DGKG: variants seen among roughly 807,000 people sequenced by gnomAD.
The protein encoded by DGKG is diacylglycerol kinase gamma, also known as DAG kinase gamma.
Under a neutral mutation model 105.3 loss-of-function variants are expected in DGKG, and 78 were observed. That is an observed-to-expected ratio of 0.74 (90% confidence interval 0.62 to 0.89). The LOEUF is 0.89. Among genes scored for constraint, DGKG ranks in the 40% least tolerant of loss-of-function variants. The probability of loss-of-function intolerance (pLI) is 0.00; values close to 1 mark genes in which losing one functional copy is unlikely to be tolerated. For synonymous variants in DGKG, 346 were observed against 367.1 expected (o/e 0.94, Z 0.66); for missense variants, 958 against 1,020.1 (o/e 0.94, Z 0.83).
intron 5 of DGKG, 91 bp from the exon 6 acceptor site, chr3:186,288,971 G>A: frequency 1.5e-6 from 2 of 1,319,502 alleles, no homozygotes; most frequent in Non-Finnish European, 2.1e-6. Context: ...CATGGTAGAG[G>A]CAAGAATTTT....
intron 21 of DGKG, among the ~76,000 whole-genome samples, chr3:186,204,599 CT>C (rs921252085): frequency 6.6e-6 from 1 of 151,682 alleles, no homozygotes; most frequent in Non-Finnish European, 1.5e-5. Flanking sequence ...CCAGCACGTC[CT>C]TTTTTTTAAA....
chr3:186,296,359 C>G (rs927736602), intron 5 of DGKG, among the ~76,000 whole-genome samples: 16 of 152,238 alleles, frequency 1.1e-4, no homozygotes, highest in Non-Finnish European at 2.4e-4. Context: ...ACCCAGGCAT[C>G]CTGGCTCCTT....
chr3:186,335,308 C>A (rs756371716), intron 1 of DGKG, among the ~76,000 whole-genome samples: 7 of 152,164 alleles, frequency 4.6e-5, no homozygotes, highest in African/African-American at 7.2e-5. Flanking sequence ...AACTACTAAC[C>A]TTGTGATCTG....
intron 17 of DGKG, 74 bp from the exon 18 acceptor site, chr3:186,253,256 T>C: frequency 1.6e-6 from 2 of 1,220,468 alleles, no homozygotes; most frequent in East Asian, 2.3e-5. Flanking sequence ...TTTTTATCCC[T>C]GATCTGATGC....
chr3:186,326,149 T>C (rs1226008636), intron 1 of DGKG, among the ~76,000 whole-genome samples: 3 of 152,174 alleles, frequency 2.0e-5, no homozygotes, highest in Non-Finnish European at 2.9e-5. Context: ...CCCAGCACTT[T>C]TGGAGGCCGA....
rs193043305 is a variant in DGKG at position 186,243,069 on chromosome 3, C to A, written c.1762-501G>T. On this transcript the variant is annotated intron_variant, in intron 19 of 24. Transcript: ENST00000265022. The stretch of plus-strand genomic sequence containing the variant: ...CTAGGTCCCGTTCACTCAGCTTCCC[C>A]CAATGATAACATTTTATATAACTAT... 2.0e-5 allele frequency among the ~76,000 whole-genome samples: 3 copies of A among 152,040 alleles called. No homozygotes were observed. The East Asian group carries it at 5.8e-4, about 29-fold the overall frequency.
At chr3:186,274,742 A>G (rs575096203) in intron 10 of DGKG, among the ~76,000 whole-genome samples, 3 of 152,216 alleles carry the variant, frequency 2.0e-5, no homozygotes, top group Non-Finnish European at 4.4e-5. Context: ...GCTGCATAGT[A>G]TTCTATGGTA....
At chr3:186,159,385 T>C (rs1716183139) in intron 24 of DGKG, 1 of 152,208 alleles carries the variant, frequency 6.6e-6, no homozygotes, top group Admixed American at 6.5e-5. Flanking sequence ...CACATATCTT[T>C]ACTATTCCTT....
In DGKG at chr3:186,265,283, A is replaced by G. The variant is rs769105374; in HGVS notation, c.1233T>C (p.Asp411=). The G allele has an allele frequency of 9.3e-6, 15 of 1,614,148 alleles. No individual in the cohort carries two copies. Among genetic ancestry groups the G allele is most frequent in the Non-Finnish European group, 1.3e-5 (15 of 1,180,046 alleles). The change falls in exon 14 of 25, where the codon GAT becomes GAC. Residue 411 remains aspartate, a synonymous_variant. Coordinates refer to ENST00000265022, the MANE Select transcript of DGKG (RefSeq NM_001346.3). ...ITRDRPGEKS[D]GCVSAKGELV... is the part of the protein sequence containing the mutation. ...GTTCGCCCTTGGCGGACACGCAGCC[A>G]TCAGACTTCTCACCTGGCCTGTCCT...
At chr3:186,254,122 T>C (rs566125517) in intron 17 of DGKG, among the ~76,000 whole-genome samples, 1 of 152,262 alleles carries the variant, frequency 6.6e-6, no homozygotes, top group South Asian at 2.1e-4. Context: ...CTGGGAGAGC[T>C]GAAGAGGGCA....
In DGKG at chr3:186,313,660, A is replaced by G. The variant is rs149644017; in HGVS notation, c.68-6683T>C. On this transcript the variant is annotated intron_variant, in intron 2 of 24. Transcript: ENST00000265022. ...CCAGACCTACTGATTCACAGTCTGC[A>G]TTTCAACAGCTCTCCAGGAGATTCA... 3.0e-3 allele frequency: 669 copies of G among 224,134 alleles called. 1 individual carries two copies. The highest frequency in any genetic ancestry group is 4.3e-3 in the Non-Finnish European group (572 of 134,002). 13.9% of individuals were successfully genotyped at this position (224,134 alleles called of 1,614,324 possible).
At chr3:186,306,798 A>G in intron 3 of DGKG, 103 bp downstream of exon 3, 1 of 744,566 alleles carries the variant, frequency 1.3e-6, no homozygotes, top group Non-Finnish European at 2.3e-6. Flanking sequence ...CATGCTGAGG[A>G]GCAAGTTCTT....
At chr3:186,312,342 A>G (rs1254918543) in intron 2 of DGKG, among the ~76,000 whole-genome samples, 7 of 152,140 alleles carry the variant, frequency 4.6e-5, no homozygotes, top group Non-Finnish European at 8.8e-5. Flanking sequence ...TATGAGTCAC[A>G]TTGGGATCTG....
rs772273825 is a variant in DGKG at position 186,298,180 on chromosome 3, A to C, written c.194T>G (p.Val65Gly). The change falls in exon 4 of 25, where the codon GTG becomes GGG. Residue 65 changes from valine to glycine, a missense_variant. By Grantham distance (109) the Val-to-Gly change is moderately radical. Transcript: ENST00000265022. ...FKLFMRAYLE[V>G]DLPQPLSTHL... Reference sequence around the variant, plus strand: ...AGTGCTCAGTGGCTGGGGAAGGTCCACCTCCAGGTACGCCCTCATGAACAG... The same window carrying C: ...AGTGCTCAGTGGCTGGGGAAGGTCCCCCTCCAGGTACGCCCTCATGAACAG... The C allele has an allele frequency of 6.2e-7, 1 of 1,613,478 alleles. No homozygotes were observed. Among genetic ancestry groups the C allele is most frequent in the Admixed American group, 1.7e-5 (1 of 59,922 alleles).
rs1715601385 is a variant in DGKG, at chr3:186,148,504, G to A, written c.*1586C>T. On this transcript the variant is annotated 3_prime_UTR_variant, in exon 25 of 25. Transcript: ENST00000265022. ...GGGATATCCCATCCACGCATGTGCTGTACGTTTGTTCCTCCCTGGCAACCT... is the reference window on the plus strand; with the variant it reads ...GGGATATCCCATCCACGCATGTGCTATACGTTTGTTCCTCCCTGGCAACCT... The A allele has an allele frequency of 2.0e-6, 2 of 985,350 alleles. No individual in the cohort carries two copies. The highest frequency in any genetic ancestry group is 1.2e-4 in the Admixed American group (2 of 16,264). 61.0% of individuals were successfully genotyped at this position (985,350 alleles called of 1,614,324 possible).
At chr3:186,213,911 A>G (rs747739576) in intron 20 of DGKG, among the ~76,000 whole-genome samples, 2 of 152,234 alleles carry the variant, frequency 1.3e-5, no homozygotes, top group Non-Finnish European at 2.9e-5. Flanking sequence ...TCCACAGTCA[A>G]TGATGGCAAA....
intron 20 of DGKG, among the ~76,000 whole-genome samples, chr3:186,217,587 G>C (rs1425145149): frequency 6.6e-6 from 1 of 152,150 alleles, no homozygotes; most frequent in Non-Finnish European, 1.5e-5. Flanking sequence ...AGACAGATGA[G>C]AGAAAAAATG....
At chr3:186,355,373 TCAC>T (rs373495362) in intron 1 of DGKG, among the ~76,000 whole-genome samples, 106 of 115,710 alleles carry the variant, frequency 9.2e-4, no homozygotes, top group African/African-American at 2.5e-3. Context: ...ACCATGATCA[TCAC>T]CACCACCACC....
chr3:186,215,365 T>C (rs1719227066), intron 20 of DGKG, among the ~76,000 whole-genome samples: 1 of 141,760 alleles, frequency 7.1e-6, no homozygotes, highest in South Asian at 2.2e-4. Context: ...GAGCTGAGAA[T>C]GCACCACTGC....
Sources: gnomAD v4.1 joint callset for allele counts (sites outside exome capture counted in the v4.1 genomes callset) on GRCh38, gnomAD v4.1.1 for gene constraint, MANE v1.5 for transcripts, NCBI Gene and HGNC (gene_info 2026-07-23, HGNC 2026-07-21) for gene names.